Variants in TM2D1 observed in about 807,000 individuals in gnomAD.
TM2D1 encodes the protein TM2 domain-containing protein 1.
TM2D1 carries 15 observed loss-of-function variants against 28.4 expected under a neutral mutation model. The ratio of observed to expected loss-of-function variants is 0.53; its 90% CI spans 0.35 to 0.81. The LOEUF (loss-of-function observed/expected upper bound fraction) is 0.81, where lower values mean the gene tolerates loss of function less well. TM2D1 is among the 40% of genes least tolerant of loss of function. The pLI is 0.01. For synonymous variants in TM2D1, 93 were observed against 96.2 expected (o/e 0.97, Z 0.20); for missense variants, 236 against 254.9 (o/e 0.93, Z 0.50).
chr1:61,713,488 C>CAAAAAAAAA (rs369601221), intron 2 of TM2D1, among the ~76,000 whole-genome samples: 79 of 91,114 alleles, frequency 8.7e-4, no homozygotes, highest in African/African-American at 1.1e-3. Flanking sequence ...AACTCAAAAA[C>CAAAAAAAAA]AAAAAAAAAA....
chr1:61,706,107 C>T (rs1230747074), intron 3 of TM2D1, among the ~76,000 whole-genome samples: 1 of 152,156 alleles, frequency 6.6e-6, no homozygotes, highest in African/African-American at 2.4e-5. Context: ...CTCGATAAAG[C>T]AAAATTATTT....
At position 61,683,426 on chromosome 1, in the gene TM2D1, T is replaced by G. The variant is rs1644262153; in HGVS notation, c.*10A>C. On this transcript the variant is annotated 3_prime_UTR_variant, in exon 6 of 7. Coordinates refer to ENST00000606498, the MANE Select transcript of TM2D1 (RefSeq NM_032027.3). ...TATATATATCACTTACTGTTTCTTT[T>G]AAAAAATATTTATGGATATAATTGC... 8.6e-7 allele frequency: 1 copy of G among 1,159,600 alleles called. No homozygotes were observed. The highest frequency in any genetic ancestry group is 2.7e-5 in the East Asian group (1 of 36,954). 71.8% of individuals were successfully genotyped at this position (1,159,600 alleles called of 1,614,324 possible). A position where few individuals can be genotyped will look rare whatever the true frequency, so the allele number is the denominator to read the frequency against.
chr1:61,700,165 CA>C (rs771840073), intron 4 of TM2D1: 1 of 1,519,638 alleles, frequency 6.6e-7, no homozygotes, highest in South Asian at 1.3e-5. Context: ...AATCTCGTGA[CA>C]ATTTTCCTAT....
chr1:61,700,896 G>A, intron 4 of TM2D1, 38 bp downstream of exon 4: 1 of 1,463,266 alleles, frequency 6.8e-7, no homozygotes, highest in Non-Finnish European at 9.4e-7. Context: ...CTAAAATATA[G>A]GTTTCATAAG....
chr1:61,700,393 A>T, intron 4 of TM2D1: 1 of 1,205,888 alleles, frequency 8.3e-7, no homozygotes, highest in Non-Finnish European at 1.1e-6. Flanking sequence ...TAGTTTTCAT[A>T]AGCATTAGTA....
chr1:61,698,790 G>T (rs1413356084), intron 4 of TM2D1: 2 of 149,576 alleles, frequency 1.3e-5, no homozygotes, highest in African/African-American at 4.9e-5. Flanking sequence ...TCACTATGTT[G>T]TCTCTGCTGG....
rs191173815 is a variant in TM2D1, at chr1:61,683,294, G to A, written c.*19+123C>T. The A allele has an allele frequency of 1.5e-3, 535 of 362,910 alleles. 4 individuals carry two copies. Among genetic ancestry groups the A allele is most frequent in the African/African-American group, 0.01 (483 of 47,440 alleles). 22.5% of individuals were successfully genotyped at this position (362,910 alleles called of 1,614,324 possible). A position where few individuals can be genotyped will look rare whatever the true frequency, so the allele number is the denominator to read the frequency against. ...TTTTCAAAGGATTGGAGATGTTTCA[G>A]GCATAGGGGTACCTGAGAGGTTTAT... On this transcript the variant is annotated intron_variant, in intron 6 of 6. Coordinates refer to ENST00000606498, the MANE Select transcript of TM2D1 (RefSeq NM_032027.3).
chr1:61,703,651 T>A (rs1557532769), intron 3 of TM2D1, among the ~76,000 whole-genome samples: 1 of 144,228 alleles, frequency 6.9e-6, no homozygotes, highest in Non-Finnish European at 1.5e-5. Context: ...GACCTCAAGT[T>A]ATCTGTGGGC....
chr1:61,709,392 C>T lies in TM2D1; in HGVS notation c.284G>A (p.Gly95Asp). 6.3e-7 allele frequency: 1 copy of T among 1,583,374 alleles called. No homozygotes were observed. Among genetic ancestry groups the T allele is most frequent in the Non-Finnish European group, 8.6e-7 (1 of 1,159,962 alleles). ...GTTCCCAGTAAAATGTGTTTCATTG[C>T]CACTGGAATCCTTACAAGTTATGTT... ...APNITCKDSS[G>D]NETHFTGNEV... Residue 95 changes from glycine (G) to aspartate (D), a missense_variant, in exon 3 of 7, where the codon GGC becomes GAC. By Grantham distance (94) the Gly-to-Asp change is moderately conservative. Around this residue, in one of 3 missense-constraint regions of TM2D1, gnomAD observed 167 missense variants for 162.7 expected, o/e 1.03. Transcript: ENST00000606498.
chr1:61,723,788 T>TA lies in TM2D1; in HGVS notation c.165-3dup, dbSNP rs147863719. ...ATTTTTGGATCTTTACAAATATATG[T>TA]AAAAAAAAAAGTTAAGGAAATACGG... On this transcript the variant is annotated splice_polypyrimidine_tract_variant and splice_region_variant and intron_variant, in intron 1 of 6. Coordinates refer to ENST00000606498, the MANE Select transcript of TM2D1 (RefSeq NM_032027.3). 0.013 allele frequency: 16,394 copies of TA among 1,298,892 alleles called. 29 individuals carry two copies. Among genetic ancestry groups the TA allele is most frequent in the African/African-American group, 0.039 (2,608 of 66,270 alleles). The allele number at this position is 1,298,892 out of a possible 1,614,324, so 80.5% of individuals were successfully genotyped here. A position where few individuals can be genotyped will look rare whatever the true frequency, so the allele number is the denominator to read the frequency against.
intron 3 of TM2D1, among the ~76,000 whole-genome samples, chr1:61,706,338 G>A (rs1271516084): frequency 6.6e-6 from 1 of 151,996 alleles, no homozygotes; most frequent in Non-Finnish European, 1.5e-5. Flanking sequence ...CGAGTAGCTG[G>A]GACTACAGAC....
At chr1:61,709,277 G>T in intron 3 of TM2D1, 52 bp downstream of exon 3, 1 of 1,100,752 alleles carries the variant, frequency 9.1e-7, no homozygotes, top group South Asian at 1.3e-5. Context: ...ATGCAATGAA[G>T]ATATAATATA....
intron 2 of TM2D1, among the ~76,000 whole-genome samples, chr1:61,719,072 A>C (rs1167965575): frequency 6.6e-6 from 1 of 152,010 alleles, no homozygotes; most frequent in African/African-American, 2.4e-5. Flanking sequence ...TTTATTTTTT[A>C]TTTATTTATT....
In TM2D1 at chr1:61,725,077, A is replaced by G; in HGVS notation, c.44T>C (p.Val15Ala). The G allele has an allele frequency of 1.9e-6, 3 of 1,613,868 alleles. No homozygotes were observed. The highest frequency in any genetic ancestry group is 1.7e-6 in the Non-Finnish European group (2 of 1,179,902). The change falls in exon 1 of 7, where the codon GTG (valine) becomes GCG (alanine). Residue 15 changes from valine (V) to alanine (A), a missense_variant. By Grantham distance (64) the Val-to-Ala change is moderately conservative (BLOSUM62 0). This residue lies in a region of TM2D1 where 167 missense variants were observed against 162.7 expected (regional missense o/e 1.03). Transcript: ENST00000606498. ...WPSGPSAPEA[V>A]TARLVGVLWF... ...CAGGACACCAACGAGTCTGGCCGTC[A>G]CGGCCTCCGGAGCAGACGGACCAGA...
chr1:61,686,224 C>A lies in TM2D1; in HGVS notation c.514-2678G>T, dbSNP rs1644284531. On this transcript the variant is annotated intron_variant, in intron 5 of 6. Coordinates refer to ENST00000606498, the MANE Select transcript of TM2D1 (RefSeq NM_032027.3). ...GTCTTCTATAAGATTTAGATACAAA[C>A]ACCTCAGCTTAAGCCACTACAAAGT... Among the ~76,000 whole-genome samples, 4 of 152,144 alleles carry A rather than the reference C, an allele frequency of 2.6e-5. No homozygotes were observed. In the South Asian group the frequency reaches 8.3e-4, roughly 32 times the overall value.
chr1:61,714,984 C>G (rs768804632), intron 2 of TM2D1, among the ~76,000 whole-genome samples: 2 of 152,158 alleles, frequency 1.3e-5, no homozygotes, highest in Non-Finnish European at 2.9e-5. Context: ...AAGCCCAACA[C>G]TCCAGGATTA....
Position 61,725,108 on chromosome 1 carries a change from A to T in TM2D1, c.13T>A (p.Trp5Arg), listed in dbSNP as rs200054903. 6 of 1,613,496 alleles carry T rather than the reference A, an allele frequency of 3.7e-6. No homozygotes were observed. The highest frequency in any genetic ancestry group is 5.1e-6 in the Non-Finnish European group (6 of 1,179,818). The change falls in exon 1 of 7, where the codon TGG (tryptophan) becomes AGG (arginine). Residue 5 changes from tryptophan (W) to arginine (R), a missense_variant. Physicochemically the swap from Trp to Arg is moderately radical, Grantham distance 101. Coordinates refer to ENST00000606498, the MANE Select transcript of TM2D1 (RefSeq NM_032027.3). MAAA[W>R]PSGPSAPEAV... is the part of the protein sequence containing the mutation. The stretch of plus-strand genomic sequence containing the variant: ...TCCGGAGCAGACGGACCAGACGGCC[A>T]GGCGGCCGCCATCTTGGAGACCGAC...
Position 61,700,991 on chromosome 1 carries a change from A to G in TM2D1, c.382T>C (p.Ser128Pro). 1 of 1,612,512 alleles carries G rather than the reference A, an allele frequency of 6.2e-7. No individual in the cohort carries two copies. Among genetic ancestry groups the G allele is most frequent in the South Asian group, 1.1e-5 (1 of 90,728 alleles). Residue 128 changes from serine to proline, a missense_variant, in exon 4 of 7, where the codon TCT (serine) becomes CCT (proline). By Grantham distance (74) the Ser-to-Pro change is moderately conservative. This residue lies in a region of TM2D1 where 167 missense variants were observed against 162.7 expected (regional missense o/e 1.03). Coordinates refer to ENST00000606498, the MANE Select transcript of TM2D1 (RefSeq NM_032027.3). ...GCTCCCAACCATCCAAGAAAAAGAG[A>G]CAATGCGACTGCCACTTTGTAGGAA... Reference protein sequence around the residue: ...GYSYKVAVALSLFLGWLGADR... With the variant: ...GYSYKVAVALPLFLGWLGADR...
chr1:61,724,625 G>C (rs1644591755), intron 1 of TM2D1, among the ~76,000 whole-genome samples: 1 of 152,014 alleles, frequency 6.6e-6, no homozygotes, highest in Non-Finnish European at 1.5e-5. Context: ...ATCCATCTTT[G>C]TATTACTAGT....
Sources: allele counts gnomAD v4.1 joint callset (sites outside exome capture counted in the v4.1 genomes callset), GRCh38; gene constraint gnomAD v4.1.1; regional missense constraint gnomAD v4.1.1; transcripts MANE v1.5; gene names NCBI Gene and HGNC (gene_info 2026-07-23, HGNC 2026-07-21).